KIRREL1: variants seen among roughly 807,000 people sequenced by gnomAD.
KIRREL1 encodes kin of IRRE-like protein 1.
A neutral mutation model predicts 83.3 loss-of-function variants in KIRREL1; 25 were observed. The ratio of observed to expected loss-of-function variants is 0.30; its 90% CI spans 0.22 to 0.42. KIRREL1 has a LOEUF of 0.42. KIRREL1 is among the 10% of genes least tolerant of loss of function. KIRREL1 has a pLI of 1.00. For missense variants in KIRREL1, 812 were observed against 1,032.3 expected (o/e 0.79, Z 2.92); for synonymous variants, 388 against 410.4 (o/e 0.95, Z 0.66).
intron 1 of KIRREL1, among the ~76,000 whole-genome samples, chr1:158,006,433 A>C (rs1659521422): frequency 6.6e-6 from 1 of 152,200 alleles, no homozygotes; most frequent in Non-Finnish European, 1.5e-5. Flanking sequence ...CATTTTCCAC[A>C]ACAGGTTTAT....
At chr1:158,012,556 T>C (rs1659717438) in intron 1 of KIRREL1, among the ~76,000 whole-genome samples, 1 of 152,168 alleles carries the variant, frequency 6.6e-6, no homozygotes, top group African/African-American at 2.4e-5. Context: ...TGTGGTGTAA[T>C]AAAAAGAGTC....
At chr1:158,074,549 A>G (rs1661613013) in intron 1 of KIRREL1, among the ~76,000 whole-genome samples, 1 of 152,188 alleles carries the variant, frequency 6.6e-6, no homozygotes, top group Non-Finnish European at 1.5e-5. Flanking sequence ...TGTGACAAAC[A>G]AAATCATGGA....
At chr1:158,037,265 C>T (rs1011807482) in intron 1 of KIRREL1, among the ~76,000 whole-genome samples, 15 of 152,122 alleles carry the variant, frequency 9.9e-5, no homozygotes, top group African/African-American at 2.7e-4. Context: ...GAGGCTGAGG[C>T]TGGTGGATCA....
At chr1:158,030,621 T>C (rs2101669754) in intron 1 of KIRREL1, 1 of 152,384 alleles carries the variant, frequency 6.6e-6, no homozygotes, top group East Asian at 1.9e-4. Flanking sequence ...GGGGTTGGTA[T>C]TCTCTGTCCC....
chr1:158,093,810 G>T, intron 13 of KIRREL1, 48 bp downstream of exon 13: 1 of 1,605,492 alleles, frequency 6.2e-7, no homozygotes. Context: ...CACCCTCTGA[G>T]GACCAGCTCC....
intron 1 of KIRREL1, among the ~76,000 whole-genome samples, chr1:158,040,553 T>C (rs184686309): frequency 6.6e-6 from 1 of 152,358 alleles, no homozygotes; most frequent in African/African-American, 2.4e-5. Context: ...ATTCTTCCTC[T>C]CCATTGTCTA....
intron 1 of KIRREL1, among the ~76,000 whole-genome samples, chr1:158,012,268 G>A (rs1378599108): frequency 6.6e-6 from 1 of 152,114 alleles, no homozygotes; most frequent in Non-Finnish European, 1.5e-5. Context: ...GAGGAGCTCC[G>A]TAAATGATGC....
chr1:158,005,385 A>T (rs901267931), intron 1 of KIRREL1, among the ~76,000 whole-genome samples: 1 of 151,926 alleles, frequency 6.6e-6, no homozygotes, highest in Non-Finnish European at 1.5e-5. Flanking sequence ...CCTTAGCCCC[A>T]AGATTGTCTT....
chr1:158,001,023 G>A (rs1026081525), intron 1 of KIRREL1, among the ~76,000 whole-genome samples: 1 of 152,172 alleles, frequency 6.6e-6, no homozygotes, highest in Admixed American at 6.5e-5. Context: ...ACAGGAACCC[G>A]AGTGTCTGGA....
chr1:157,994,246 C>T (rs1387087812), intron 1 of KIRREL1, among the ~76,000 whole-genome samples: 3 of 152,168 alleles, frequency 2.0e-5, no homozygotes, highest in Non-Finnish European at 2.9e-5. Context: ...TGAATCACGG[C>T]TCCAGCCTGC....
At chr1:158,046,770 A>AT (rs1660789312) in intron 1 of KIRREL1, among the ~76,000 whole-genome samples, 1 of 152,200 alleles carries the variant, frequency 6.6e-6, no homozygotes, top group South Asian at 2.1e-4. Context: ...CCAGTGTTGG[A>AT]TTTAGCAACT....
chr1:158,081,185 T>A (rs1034148983), intron 3 of KIRREL1, among the ~76,000 whole-genome samples: 4 of 98,342 alleles, frequency 4.1e-5, no homozygotes, highest in Non-Finnish European at 9.9e-5. Context: ...GCATGACTTC[T>A]GGGTCAGGCA....
chr1:158,017,161 C>G (rs986288544), intron 1 of KIRREL1, among the ~76,000 whole-genome samples: 3 of 152,162 alleles, frequency 2.0e-5, no homozygotes, highest in Admixed American at 1.3e-4. Context: ...CATCATTGCA[C>G]GCACGGCCCA....
rs185476166 is a variant in KIRREL1, at chr1:158,074,895, A to C, written c.53-1218A>C. Reference sequence around the variant, plus strand: ...TGTTAGGAAAAGGTCAGATTTGGGGATTGTGGCCTCTGCAGATTCATGAGC... The same window carrying C: ...TGTTAGGAAAAGGTCAGATTTGGGGCTTGTGGCCTCTGCAGATTCATGAGC... On this transcript the variant is annotated intron_variant, in intron 1 of 14. Coordinates refer to ENST00000359209, the MANE Select transcript of KIRREL1 (RefSeq NM_018240.7). Among the ~76,000 whole-genome samples, 304 of 152,232 alleles carry C rather than the reference A, an allele frequency of 2.0e-3. 4 individuals carry two copies. The highest frequency in any genetic ancestry group is 0.019 in the Admixed American group (287 of 15,294).
chr1:158,033,385 G>A (rs1440795232), intron 1 of KIRREL1, among the ~76,000 whole-genome samples: 1 of 152,114 alleles, frequency 6.6e-6, no homozygotes, highest in Non-Finnish European at 1.5e-5. Flanking sequence ...ACTCACATTT[G>A]AGAGTACCCC....
chr1:158,035,007 T>C (rs1349396379), intron 1 of KIRREL1, among the ~76,000 whole-genome samples: 1 of 149,902 alleles, frequency 6.7e-6, no homozygotes, highest in Non-Finnish European at 1.5e-5. Context: ...TGTTCATGTG[T>C]GTATATGTGT....
At chr1:158,009,778 G>A (rs1036476983) in intron 1 of KIRREL1, among the ~76,000 whole-genome samples, 5 of 152,194 alleles carry the variant, frequency 3.3e-5, no homozygotes, top group Admixed American at 6.5e-5. Context: ...TGCCTCTGCC[G>A]CCTGCCAGAC....
rs1662379764 is a variant in KIRREL1, at chr1:158,097,286, C to T, written c.*2166C>T. 3.4e-5 allele frequency: 11 copies of T among 323,338 alleles called. No individual in the cohort carries two copies. Among genetic ancestry groups the T allele is most frequent in the South Asian group, 2.9e-4 (11 of 37,300 alleles). The allele number at this position is 323,338 out of a possible 1,614,324, so 20.0% of individuals were successfully genotyped here. ...CAGAAACCATGGGGGAATCCAAAGA[C>T]TTGAAGTCTAAAGATGGTGGCTTTT... is the stretch of plus-strand genomic sequence containing the variant. On this transcript the variant is annotated 3_prime_UTR_variant, in exon 15 of 15. Transcript: ENST00000359209.
At chr1:158,061,059 C>T (rs988367075) in intron 1 of KIRREL1, among the ~76,000 whole-genome samples, 6 of 152,118 alleles carry the variant, frequency 3.9e-5, no homozygotes, top group African/African-American at 1.4e-4. Flanking sequence ...TGTCCTCTAC[C>T]TCTTCCTTGT....
Sources: allele counts gnomAD v4.1 joint callset (sites outside exome capture counted in the v4.1 genomes callset), GRCh38; gene constraint gnomAD v4.1.1; transcripts MANE v1.5; gene names NCBI Gene and HGNC (gene_info 2026-07-23, HGNC 2026-07-21).